DCC: variants seen among roughly 807,000 people sequenced by gnomAD.
DCC encodes DCC netrin 1 receptor, also known as netrin receptor DCC.
In DCC, 58 loss-of-function variants were observed where a neutral mutation model predicts 172.5. That is an observed-to-expected ratio of 0.34 (90% CI 0.27 to 0.42). The LOEUF is 0.42. DCC is among the 10% of genes least tolerant of loss of function. The pLI is 1.00. For synonymous variants in DCC, 709 were observed against 644.5 expected, an observed-to-expected ratio of 1.10 and a Z score of -1.52; for missense variants, 1,740 against 1,791.0, an observed-to-expected ratio of 0.97 and a Z score of 0.51.
chr18:53,500,562 T>TATAA (rs1226033955), intron 27 of DCC, among the ~76,000 whole-genome samples: 1 of 151,548 alleles, frequency 6.6e-6, no homozygotes, highest in South Asian at 2.1e-4. Flanking sequence ...GTCTATGAAG[T>TATAA]ATAAATATTA....
At chr18:53,351,367 CTGTATATATATATACAGTATATATATAT>C (rs2057800622) in intron 15 of DCC, among the ~76,000 whole-genome samples, 4 of 32,988 alleles carry the variant, frequency 1.2e-4, no homozygotes, top group African/African-American at 4.1e-4. Context: ...TATATATATA[CTGTATATATATATACAGTATATATATAT>C]ACAGTGTATA....
chr18:52,627,067 T>C (rs2034587950), intron 1 of DCC, among the ~76,000 whole-genome samples: 1 of 152,190 alleles, frequency 6.6e-6, no homozygotes. Context: ...TATGATCTTG[T>C]TGGGACCTCT....
intron 1 of DCC, among the ~76,000 whole-genome samples, chr18:52,675,242 A>G (rs2035627972): frequency 6.6e-6 from 1 of 152,054 alleles, no homozygotes; most frequent in Non-Finnish European, 1.5e-5. Context: ...TATTTTTAGT[A>G]GAGACTAAAA....
chr18:53,342,021 A>G (rs2057665185), intron 15 of DCC, among the ~76,000 whole-genome samples: 1 of 152,138 alleles, frequency 6.6e-6, no homozygotes, highest in Non-Finnish European at 1.5e-5. Flanking sequence ...AAAGTGAATT[A>G]AAGTAAGTTT....
intron 1 of DCC, among the ~76,000 whole-genome samples, chr18:52,361,191 A>C (rs1984603478): frequency 6.6e-6 from 1 of 152,212 alleles, no homozygotes; most frequent in Non-Finnish European, 1.5e-5. Flanking sequence ...GCTTATTATA[A>C]ATATTCAAAT....
In DCC at chr18:53,433,713, T is replaced by C. The variant is rs150498988; in HGVS notation, c.3164-1431T>C. Among the ~76,000 whole-genome samples, 40 of 152,278 alleles carry C rather than the reference T, an allele frequency of 2.6e-4. 1 individual carries two copies. In the East Asian group the frequency reaches 7.2e-3, roughly 27 times the overall value. On this transcript the variant is annotated intron_variant, in intron 21 of 28. Coordinates refer to ENST00000442544, the MANE Select transcript of DCC (RefSeq NM_005215.4). Reference sequence around the variant, plus strand: ...AGGGTTAGACTTGTCCACATTTTTGTCAGCCCACTAAAATTTTCACAATTT... The same window carrying C: ...AGGGTTAGACTTGTCCACATTTTTGCCAGCCCACTAAAATTTTCACAATTT...
intron 12 of DCC, among the ~76,000 whole-genome samples, chr18:53,260,431 C>T (rs1306333901): frequency 6.6e-6 from 1 of 152,176 alleles, no homozygotes; most frequent in Non-Finnish European, 1.5e-5. Flanking sequence ...AGTCAGGACC[C>T]TCAGCTGCAG....
chr18:53,461,278 T>G (rs11659924), intron 24 of DCC, among the ~76,000 whole-genome samples: 70,503 of 147,726 alleles, frequency 0.48, 17,699 homozygotes, highest in Non-Finnish European at 0.57. Flanking sequence ...AGAAGCTCTT[T>G]AGTTTAATTA....
chr18:53,144,908 T>C (rs545015268), intron 7 of DCC, among the ~76,000 whole-genome samples: 18 of 152,094 alleles, frequency 1.2e-4, no homozygotes, highest in Non-Finnish European at 2.5e-4. Flanking sequence ...GATAATATAA[T>C]AAGGTCATAT....
chr18:53,167,655 G>T (rs1161889750), intron 8 of DCC, among the ~76,000 whole-genome samples: 1 of 152,082 alleles, frequency 6.6e-6, no homozygotes. Context: ...TTTATGCTCA[G>T]TGAATCTATA....
intron 2 of DCC, among the ~76,000 whole-genome samples, chr18:52,855,709 C>T (rs1325980578): frequency 6.6e-6 from 1 of 151,674 alleles, no homozygotes; most frequent in African/African-American, 2.4e-5. Context: ...ACATAATCTG[C>T]CCAAATGGTC....
intron 25 of DCC, among the ~76,000 whole-genome samples, chr18:53,485,597 T>G (rs1180820067): frequency 6.6e-6 from 1 of 152,154 alleles, no homozygotes; most frequent in East Asian, 1.9e-4. Flanking sequence ...TTTTTCAGTT[T>G]AAGTAAACAT....
intron 1 of DCC, among the ~76,000 whole-genome samples, chr18:52,404,462 T>C (rs1405226912): frequency 6.6e-6 from 1 of 152,036 alleles, no homozygotes; most frequent in Non-Finnish European, 1.5e-5. Context: ...TGAACACTTC[T>C]GTAACGTTAA....
intron 12 of DCC, among the ~76,000 whole-genome samples, chr18:53,226,948 A>ATTTTTTTTT (rs397976119): frequency 1.5e-4 from 8 of 52,950 alleles, no homozygotes; most frequent in Admixed American, 3.4e-4. Flanking sequence ...ATATATATAT[A>ATTTTTTTTT]TTTTTTTTTT....
intron 15 of DCC, among the ~76,000 whole-genome samples, chr18:53,349,392 C>T (rs11876231): frequency 0.16 from 24,211 of 152,090 alleles, 2,401 homozygotes; most frequent in African/African-American, 0.27. Flanking sequence ...AAGTTCCAAA[C>T]GTTTCCACAT....
At chr18:53,514,770 A>C (rs1598834929) in intron 27 of DCC, among the ~76,000 whole-genome samples, 2 of 152,268 alleles carry the variant, frequency 1.3e-5, no homozygotes, top group Admixed American at 1.3e-4. Context: ...ATCTCTGAAT[A>C]GACCAATAAC....
chr18:52,794,868 G>A (rs1446147440), intron 2 of DCC, among the ~76,000 whole-genome samples: 2 of 151,654 alleles, frequency 1.3e-5, no homozygotes, highest in Non-Finnish European at 3.0e-5. Flanking sequence ...TTATCTTTTT[G>A]ATGCCTGTTG....
chr18:53,033,724 T>C (rs1484043132), intron 5 of DCC, among the ~76,000 whole-genome samples: 2 of 152,116 alleles, frequency 1.3e-5, no homozygotes, highest in East Asian at 3.9e-4. Context: ...CTTAAAAGAA[T>C]GCACTTTTTG....
intron 5 of DCC, among the ~76,000 whole-genome samples, chr18:52,933,837 C>T (rs1313759563): frequency 6.6e-6 from 1 of 151,984 alleles, no homozygotes; most frequent in Non-Finnish European, 1.5e-5. Context: ...GGATAGTGTA[C>T]ATCGCACCTA....
Sources: allele counts gnomAD v4.1 joint callset (sites outside exome capture counted in the v4.1 genomes callset), GRCh38; gene constraint gnomAD v4.1.1; transcripts MANE v1.5; gene names NCBI Gene and HGNC (gene_info 2026-07-23, HGNC 2026-07-21).